Variants in PDGFD observed in about 807,000 individuals in gnomAD.
The protein encoded by PDGFD is platelet-derived growth factor D.
In PDGFD, 30 loss-of-function variants were observed where a neutral mutation model predicts 44.7. The ratio of observed to expected loss-of-function variants is 0.67; its 90% CI spans 0.50 to 0.91. PDGFD has a LOEUF of 0.91. Among genes scored for constraint, PDGFD ranks in the 40% least tolerant of loss-of-function variants. The pLI is 0.00. For missense variants in PDGFD, 445 were observed against 457.8 expected (o/e 0.97, Z 0.25); for synonymous variants, 173 against 168.4 (o/e 1.03, Z -0.21).
chr11:103,997,726 T>G (rs1317135699), intron 2 of PDGFD, among the ~76,000 whole-genome samples: 1 of 152,200 alleles, frequency 6.6e-6, no homozygotes. Context: ...GTAAATCATA[T>G]TTACTGCACA....
At chr11:104,044,199 C>A (rs921570540) in intron 1 of PDGFD, among the ~76,000 whole-genome samples, 1 of 152,096 alleles carries the variant, frequency 6.6e-6, no homozygotes, top group African/African-American at 2.4e-5. Context: ...GAGAATGGAA[C>A]CTAAAATTAC....
Position 103,907,555 on chromosome 11 carries a change from T to C in PDGFD, c.*2139A>G, listed in dbSNP as rs942362299. ...CTCAGGAAAGGCAAAGAAAAGTGAG[T>C]GAATATGCCTGCTTACATTTCAGCT... On this transcript the variant is annotated 3_prime_UTR_variant, in exon 7 of 7. Transcript: ENST00000393158. The C allele has an allele frequency of 6.6e-6, 1 of 152,078 alleles. No individual in the cohort carries two copies. The highest frequency in any genetic ancestry group is 1.5e-5 in the Non-Finnish European group (1 of 68,000). 9.4% of individuals were successfully genotyped at this position (152,078 alleles called of 1,614,324 possible).
intron 1 of PDGFD, among the ~76,000 whole-genome samples, chr11:104,028,186 T>C (rs1386302717): frequency 1.2e-5 from 1 of 83,054 alleles, no homozygotes; most frequent in Non-Finnish European, 2.4e-5. Context: ...CGAGACTCCG[T>C]CAAAGAAAAA....
intron 1 of PDGFD, among the ~76,000 whole-genome samples, chr11:104,005,407 T>G (rs1859686345): frequency 6.6e-6 from 1 of 152,218 alleles, no homozygotes; most frequent in South Asian, 2.1e-4. Flanking sequence ...AATCCACTTC[T>G]AAGTCACACT....
At chr11:104,066,274 A>G (rs1448306637) in intron 1 of PDGFD, among the ~76,000 whole-genome samples, 1 of 152,212 alleles carries the variant, frequency 6.6e-6, no homozygotes, top group Non-Finnish European at 1.5e-5. Flanking sequence ...ACAAAGACAT[A>G]AAAATAAATT....
chr11:104,089,374 A>G (rs1213986433), intron 1 of PDGFD, among the ~76,000 whole-genome samples: 1 of 152,210 alleles, frequency 6.6e-6, no homozygotes, highest in Non-Finnish European at 1.5e-5. Context: ...CCAGTGCTGA[A>G]TCCTTAAAAA....
chr11:104,022,941 G>A (rs1431218434), intron 1 of PDGFD, among the ~76,000 whole-genome samples: 1 of 151,842 alleles, frequency 6.6e-6, no homozygotes. Flanking sequence ...AAGGTTTATT[G>A]TTTGCACTTC....
At chr11:103,980,399 T>G (rs536735716) in intron 3 of PDGFD, among the ~76,000 whole-genome samples, 163 of 152,206 alleles carry the variant, frequency 1.1e-3, no homozygotes, top group Non-Finnish European at 1.9e-3. Context: ...GGAATTTTAA[T>G]GTCAAAGGTA....
intron 6 of PDGFD, among the ~76,000 whole-genome samples, chr11:103,920,379 G>C (rs1422985062): frequency 6.6e-6 from 1 of 152,216 alleles, no homozygotes; most frequent in African/African-American, 2.4e-5. Flanking sequence ...TTGACTACAT[G>C]TTCAGCCTAC....
intron 3 of PDGFD, among the ~76,000 whole-genome samples, chr11:103,980,977 T>C (rs1354138009): frequency 2.6e-5 from 4 of 152,102 alleles, no homozygotes; most frequent in Non-Finnish European, 5.9e-5. Flanking sequence ...ATAGCCTGAA[T>C]TGACTAAGGA....
At position 104,043,931 on chromosome 11, in the gene PDGFD, G is replaced by A. The variant is rs373925238; in HGVS notation, c.125-43676C>T. ...ATCACATTTCAACATGAGATTTGGA[G>A]AGGAAAAATATCTAAACCTTATCAG... On this transcript the variant is annotated intron_variant, in intron 1 of 6. Transcript: ENST00000393158. Among the ~76,000 whole-genome samples the A allele has an allele frequency of 5.9e-5, 9 of 152,282 alleles. 1 individual carries two copies. The highest frequency in any genetic ancestry group is 2.1e-4 in the South Asian group (1 of 4,824).
intron 5 of PDGFD, among the ~76,000 whole-genome samples, chr11:103,932,828 C>T (rs1858426239): frequency 6.6e-6 from 1 of 152,148 alleles, no homozygotes; most frequent in Non-Finnish European, 1.5e-5. Context: ...AACTATCTTT[C>T]AGGAATGCAT....
At chr11:104,003,652 A>T (rs35016460) in intron 1 of PDGFD, among the ~76,000 whole-genome samples, 7,484 of 152,326 alleles carry the variant, frequency 0.049, 254 homozygotes, top group Non-Finnish European at 0.077. Context: ...ACATTTTTAG[A>T]GGAATGTAAG....
chr11:104,125,212 G>A (rs1039264654), intron 1 of PDGFD, among the ~76,000 whole-genome samples: 1 of 152,128 alleles, frequency 6.6e-6, no homozygotes, highest in Non-Finnish European at 1.5e-5. Context: ...ATGGCTCAGA[G>A]GTCAAGCAGC....
chr11:104,030,667 C>G (rs1206903622), intron 1 of PDGFD, among the ~76,000 whole-genome samples: 4 of 152,126 alleles, frequency 2.6e-5, no homozygotes, highest in Non-Finnish European at 5.9e-5. Context: ...ATAGATCCAC[C>G]AGGAAAAAAT....
intron 6 of PDGFD, among the ~76,000 whole-genome samples, chr11:103,911,556 C>T (rs1858029137): frequency 6.6e-6 from 1 of 151,848 alleles, no homozygotes; most frequent in Non-Finnish European, 1.5e-5. Context: ...TTCCAAAAAC[C>T]AGAACTCCTC....
At chr11:104,014,556 G>A (rs753930731) in intron 1 of PDGFD, among the ~76,000 whole-genome samples, 29 of 152,040 alleles carry the variant, frequency 1.9e-4, no homozygotes, top group African/African-American at 2.7e-4. Context: ...GACCTCCTAC[G>A]GTAATCTAGA....
Position 104,092,080 on chromosome 11 carries a change from G to A in PDGFD, c.124+71724C>T, listed in dbSNP as rs180824100. Among the ~76,000 whole-genome samples the A allele has an allele frequency of 8.0e-3, 1,216 of 152,054 alleles. 23 individuals are homozygous for A. Among genetic ancestry groups the A allele is most frequent in the Middle Eastern group, 0.01 (3 of 294 alleles). The stretch of plus-strand genomic sequence containing the variant: ...AAAGATGAAGAAACTAAAGCTTTGA[G>A]AAAAAAAGGCCCCTAAGCCATGGCT... On this transcript the variant is annotated intron_variant, in intron 1 of 6. Transcript: ENST00000393158.
At chr11:104,021,851 TG>T (rs1859959063) in intron 1 of PDGFD, among the ~76,000 whole-genome samples, 1 of 152,010 alleles carries the variant, frequency 6.6e-6, no homozygotes, top group Admixed American at 6.6e-5. Context: ...ATAGCATTGG[TG>T]GGGGAATACT....
Sources: gnomAD v4.1 joint callset for allele counts (sites outside exome capture counted in the v4.1 genomes callset) on GRCh38, gnomAD v4.1.1 for gene constraint, MANE v1.5 for transcripts, NCBI Gene and HGNC (gene_info 2026-07-23, HGNC 2026-07-21) for gene names.